The following SBK1 variants were observed in gnomAD, a reference collection of about 807,000 sequenced individuals.
SBK1 encodes serine/threonine-protein kinase SBK1.
SBK1 carries 11 observed loss-of-function variants against 24.4 expected under a neutral mutation model. The ratio of observed to expected loss-of-function variants is 0.45; its 90% CI spans 0.28 to 0.75. SBK1 has a LOEUF of 0.75. SBK1 is among the 30% of genes least tolerant of loss of function. SBK1 has a pLI of 0.12. For synonymous variants in SBK1, 308 were observed against 284.4 expected, an observed-to-expected ratio of 1.08 and a Z score of -0.83; for missense variants, 467 against 620.5, an observed-to-expected ratio of 0.75 and a Z score of 2.63.
At chr16:28,283,488 C>A (rs1260578516) in intron 1 of SBK1, among the ~76,000 whole-genome samples, 1 of 152,178 alleles carries the variant, frequency 6.6e-6, no homozygotes, top group African/African-American at 2.4e-5. Flanking sequence ...TTACATCCTA[C>A]TGCTTTTCAG....
upstream of SBK1, among the ~76,000 whole-genome samples, chr16:28,288,468 G>A (rs1225469179): frequency 6.6e-6 from 1 of 152,204 alleles, no homozygotes; most frequent in Non-Finnish European, 1.5e-5. Flanking sequence ...TTTGAAGAGG[G>A]AGATTAGTGG....
chr16:28,289,961 C>T (rs1283954448), upstream of SBK1, among the ~76,000 whole-genome samples: 1 of 151,854 alleles, frequency 6.6e-6, no homozygotes, highest in Non-Finnish European at 1.5e-5. Context: ...TGGTGCACAC[C>T]TGTAGTCCTA....
chr16:28,322,972 CTCTCT>C lies in SBK1; in HGVS notation c.*2052_*2056del, dbSNP rs2044868786. On this transcript the variant is annotated 3_prime_UTR_variant, in exon 4 of 4. Coordinates refer to ENST00000341901, the MANE Select transcript of SBK1 (RefSeq NM_001024401.3). ...TCTCTCTCTCTCTCTCTCTCTCTCT[CTCTCT>C]CTCCTCTCTTTCTCTCTCTCCCTCT... The C allele has an allele frequency of 7.7e-5, 10 of 130,264 alleles. No individual in the cohort carries two copies. In the East Asian group the frequency reaches 2.0e-3, roughly 26 times the overall value. 8.1% of individuals were successfully genotyped at this position (130,264 alleles called of 1,614,324 possible).
At chr16:28,276,651 TTTA>T (rs2044495245) in intron 1 of SBK1, among the ~76,000 whole-genome samples, 4 of 148,700 alleles carry the variant, frequency 2.7e-5, no homozygotes, top group South Asian at 2.3e-4. Flanking sequence ...TTTTATTTTA[TTTA>T]TTTATTTATG....
rs2044836877 is a variant in SBK1 at position 28,320,792 on chromosome 16, A to AGTGCCCGTGCCGGTGCCT, written c.1154_1171dup (p.Val385_Pro390dup). ...CCTTGCCCGTGCCGGTGCCGGTGCC[A>AGTGCCCGTGCCGGTGCCT]GTGCCCGTGCCGGTGCCTGTGCCCG... On this transcript the variant is annotated inframe_insertion, in exon 4 of 4. Coordinates refer to ENST00000341901, the MANE Select transcript of SBK1 (RefSeq NM_001024401.3). This position sits in a 1 kb window ranked among gnomAD's most constrained non-coding sequence, Gnocchi z 8.5. 2.1e-6 allele frequency: 3 copies of AGTGCCCGTGCCGGTGCCT among 1,420,248 alleles called. No individual in the cohort carries two copies. The highest frequency in any genetic ancestry group is 3.6e-5 in the East Asian group (1 of 27,620). 88.0% of individuals were successfully genotyped at this position (1,420,248 alleles called of 1,614,324 possible).
At position 28,321,290 on chromosome 16, in the gene SBK1, C is replaced by G. The variant is rs1365462747; in HGVS notation, c.*369C>G. On this transcript the variant is annotated 3_prime_UTR_variant, in exon 4 of 4. Transcript: ENST00000341901. ...ACACTCCCAGACGCCTCCCTGAGCC[C>G]TGGAACCCGGACTCGTTGCTCCTGG... The G allele has an allele frequency of 6.1e-6, 1 of 164,352 alleles. No individual in the cohort carries two copies. Among genetic ancestry groups the G allele is most frequent in the African/African-American group, 2.4e-5 (1 of 41,676 alleles). 10.2% of individuals were successfully genotyped at this position (164,352 alleles called of 1,614,324 possible).
At chr16:28,304,970 C>T (rs142640036) in intron 1 of SBK1, among the ~76,000 whole-genome samples, 1 of 152,128 alleles carries the variant, frequency 6.6e-6, no homozygotes, top group East Asian at 1.9e-4. Flanking sequence ...GGTGCAGTGG[C>T]ACCATCCCAG....
At chr16:28,297,844 G>A (rs1275084531) in intron 1 of SBK1, among the ~76,000 whole-genome samples, 3 of 152,196 alleles carry the variant, frequency 2.0e-5, no homozygotes, top group Non-Finnish European at 4.4e-5. Context: ...TCAAGAAAGG[G>A]AAGGGGTCCC....
At position 28,320,786 on chromosome 16, in the gene SBK1, GGTGCCA is replaced by G. The variant is rs2044836555; in HGVS notation, c.1146_1151del (p.Val389_Pro390del). 5.6e-6 allele frequency: 8 copies of G among 1,416,102 alleles called. No homozygotes were observed. The highest frequency in any genetic ancestry group is 3.1e-5 in the African/African-American group (2 of 65,424). 87.7% of individuals were successfully genotyped at this position (1,416,102 alleles called of 1,614,324 possible). A position where few individuals can be genotyped will look rare whatever the true frequency, so the allele number is the denominator to read the frequency against. ...CGGTGCCCTTGCCCGTGCCGGTGCC[GGTGCCA>G]GTGCCCGTGCCGGTGCCTGTGCCCG... On this transcript the variant is annotated inframe_deletion, in exon 4 of 4. Transcript: ENST00000341901. This position sits in a 1 kb window ranked among gnomAD's most constrained non-coding sequence, Gnocchi z 8.5.
In SBK1 at chr16:28,266,242, C is replaced by T. The variant is rs531901296; in HGVS notation, c.257+6740C>T. ...ATTACCTGGGCATAGTGGCACGTAT[C>T]GGTATTCCCAGCTCCTGGAGAGGCT... On this transcript the variant is annotated intron_variant, in intron 1 of 3. Coordinates refer to the SBK1 transcript ENST00000671413. Among the ~76,000 whole-genome samples the T allele has an allele frequency of 6.7e-4, 102 of 152,008 alleles. 1 individual carries two copies. The highest frequency in any genetic ancestry group is 1.9e-3 in the African/African-American group (78 of 41,462).
Position 28,259,494 on chromosome 16 carries a change from A to G in SBK1, c.249A>G (p.Pro83=), listed in dbSNP as rs367672505. Residue 83 remains proline (P), a synonymous_variant, in exon 1 of 4, where the codon CCA becomes CCG. Transcript: ENST00000671413. The surrounding 1 kb of genome is among the most constrained non-coding windows in gnomAD (Gnocchi z 6.0). ...AAGAGGAGCTGCTGGAAGAAGTCCC[A>G]TTGCGGAGGTCAGTGCTCGTGGGTG... 137 of 984,378 alleles carry G rather than the reference A, an allele frequency of 1.4e-4. 2 individuals carry two copies. The East Asian group carries it at 9.4e-3, about 68-fold the overall frequency. 61.0% of individuals were successfully genotyped at this position (984,378 alleles called of 1,614,324 possible). A position where few individuals can be genotyped will look rare whatever the true frequency, so the allele number is the denominator to read the frequency against.
chr16:28,302,603 G>A (rs926047979), intron 1 of SBK1, among the ~76,000 whole-genome samples: 1 of 152,152 alleles, frequency 6.6e-6, no homozygotes, highest in Admixed American at 6.5e-5. Flanking sequence ...CCCCTCCCTG[G>A]CACTTTCCTC....
chr16:28,266,761 A>G (rs2044431434), intron 1 of SBK1, among the ~76,000 whole-genome samples: 1 of 149,884 alleles, frequency 6.7e-6, no homozygotes, highest in Admixed American at 6.6e-5. Context: ...AAAAAAAACA[A>G]AACAGGATCT....
chr16:28,305,517 CTGTCTCTCTTTCTT>C (rs2044710210), intron 1 of SBK1, among the ~76,000 whole-genome samples: 1 of 150,922 alleles, frequency 6.6e-6, no homozygotes, highest in Non-Finnish European at 1.5e-5. Flanking sequence ...TGGCCCCAAT[CTGTCTCTCTTTCTT>C]TGTTTCTTTT....
rs182190085 is a variant in SBK1 at position 28,261,012 on chromosome 16, T to C, written c.257+1510T>C. On this transcript the variant is annotated intron_variant, in intron 1 of 3. Transcript: ENST00000671413. ...GGCTTGGTGCAAATAAGAAACAAAG[T>C]GTGGATGGTGAGGATGAGGCTGGCA... is the stretch of plus-strand genomic sequence containing the variant. Among the ~76,000 whole-genome samples, 202 of 151,846 alleles carry C rather than the reference T, an allele frequency of 1.3e-3. 1 individual carries two copies. The highest frequency in any genetic ancestry group is 5.2e-4 in the Non-Finnish European group (35 of 67,926).
chr16:28,291,824 A>T (rs1230313740), upstream of SBK1: 1 of 152,214 alleles, frequency 6.6e-6, no homozygotes, highest in Non-Finnish European at 1.5e-5. Flanking sequence ...TCCCAGCTGC[A>T]CTCCTGGACT....
chr16:28,297,486 C>T (rs1382618164), intron 1 of SBK1, among the ~76,000 whole-genome samples: 1 of 152,180 alleles, frequency 6.6e-6, no homozygotes, highest in Non-Finnish European at 1.5e-5. Context: ...CTCCAGCAAC[C>T]TGAGGTCAAA....
At chr16:28,272,554 C>T (rs899266587) in intron 1 of SBK1, among the ~76,000 whole-genome samples, 31 of 150,646 alleles carry the variant, frequency 2.1e-4, no homozygotes, top group African/African-American at 7.3e-4. Context: ...GCTTATTTTG[C>T]TTTGCATAAT....
chr16:28,296,592 C>T (rs1470466037), intron 1 of SBK1, among the ~76,000 whole-genome samples: 3 of 152,086 alleles, frequency 2.0e-5, no homozygotes, highest in African/African-American at 7.2e-5. Flanking sequence ...ATGGGTGTTC[C>T]CTCCCACCCC....
Sources: gnomAD v4.1 joint callset for allele counts (sites outside exome capture counted in the v4.1 genomes callset) on GRCh38, gnomAD v4.1.1 for gene constraint, Gnocchi (gnomAD v3.1) non-coding constraint, MANE v1.5 for transcripts, NCBI Gene and HGNC (gene_info 2026-07-23, HGNC 2026-07-21) for gene names.